The following MARCO variants were observed in gnomAD, a reference collection of about 807,000 sequenced individuals.
MARCO encodes the protein macrophage receptor MARCO.
MARCO carries 72 observed loss-of-function variants against 70.0 expected under a neutral mutation model. That is an observed-to-expected ratio of 1.03 (90% CI 0.85 to 1.25). The LOEUF is 1.25. Ranked by LOEUF, MARCO falls within the 50% of genes most tolerant of loss-of-function variation. The pLI is 0.00. For missense variants in MARCO, 696 were observed against 659.3 expected (o/e 1.06, Z -0.61); for synonymous variants, 273 against 243.1 (o/e 1.12, Z -1.14).
At chr2:118,959,292 GA>G (rs925350507) in intron 1 of MARCO, among the ~76,000 whole-genome samples, 4 of 151,280 alleles carry the variant, frequency 2.6e-5, no homozygotes, top group African/African-American at 7.3e-5. Flanking sequence ...AAATCAGTAA[GA>G]AAAAAAATTC....
At chr2:118,973,490 C>A (rs1219495966) in intron 4 of MARCO, among the ~76,000 whole-genome samples, 1 of 152,212 alleles carries the variant, frequency 6.6e-6, no homozygotes, top group Non-Finnish European at 1.5e-5. Context: ...GTCTCGGCTC[C>A]TCCTCGGACA....
At chr2:118,981,564 T>C (rs1680392041) in intron 9 of MARCO, 57 bp downstream of exon 9, 7 of 1,594,070 alleles carry the variant, frequency 4.4e-6, no homozygotes, top group Non-Finnish European at 4.3e-6. Context: ...TTTTTTTTTT[T>C]TCTGGCTGGC....
At position 118,994,493 on chromosome 2, in the gene MARCO, G is replaced by A. The variant is rs959684407; in HGVS notation, c.1536G>A (p.Glu512=). 4 of 1,609,768 alleles carry A rather than the reference G, an allele frequency of 2.5e-6. 1 individual carries two copies. Among genetic ancestry groups the A allele is most frequent in the Admixed American group, 3.4e-5 (2 of 59,620 alleles). The change falls in exon 17 of 17, where the codon GAG becomes GAA. Residue 512 remains glutamate (E), a synonymous_variant. Transcript: ENST00000327097. ...SWGHHDCSHE[E]DAGVECSV is the part of the protein sequence containing the mutation. ...GCCATCATGACTGCAGCCACGAGGA[G>A]GACGCAGGCGTGGAGTGCAGCGTCT...
chr2:118,952,441 T>C (rs35092791), intron 1 of MARCO: 26,138 of 152,194 alleles, frequency 0.17, 3,045 homozygotes, highest in African/African-American at 0.33. Context: ...GAGGTAGCTA[T>C]GGAACCGCAG....
chr2:118,986,693 GAA>G (rs1298561853), intron 12 of MARCO, among the ~76,000 whole-genome samples: 6 of 73,620 alleles, frequency 8.1e-5, no homozygotes, highest in Admixed American at 4.0e-4. Context: ...AAGAAAGAAA[GAA>G]AGAAAGAAAG....
intron 6 of MARCO, among the ~76,000 whole-genome samples, chr2:118,975,719 C>A (rs1367578224): frequency 6.6e-6 from 1 of 152,162 alleles, no homozygotes; most frequent in Non-Finnish European, 1.5e-5. Flanking sequence ...TGTAATCACA[C>A]TCATGCACAC....
chr2:118,977,495 C>T lies in MARCO; in HGVS notation c.638C>T (p.Pro213Leu), dbSNP rs1680306499. Residue 213 changes from proline to leucine, a missense_variant, in exon 7 of 17, where the codon CCA (proline) becomes CTA (leucine). Physicochemically the swap from Pro to Leu is moderately conservative, Grantham distance 98. This residue lies in a region of MARCO where 605 missense variants were observed against 537.6 expected (regional missense o/e 1.13). Coordinates refer to ENST00000327097, the MANE Select transcript of MARCO (RefSeq NM_006770.4). ...EAGLQGPQGA[P>L]GKQGATGTPG... ...GGCCTCCAAGGACCCCAGGGTGCTC[C>T]AGGGAAGCAAGGAGCCACTGGTAAC... 6.2e-7 allele frequency: 1 copy of T among 1,613,822 alleles called. No individual in the cohort carries two copies. The highest frequency in any genetic ancestry group is 8.5e-7 in the Non-Finnish European group (1 of 1,179,948).
chr2:118,971,640 C>T, intron 4 of MARCO, 106 bp downstream of exon 4: 1 of 1,102,888 alleles, frequency 9.1e-7, no homozygotes, highest in Admixed American at 2.1e-5. Context: ...CCCTAGCTTA[C>T]CTTCCCCTGT....
At chr2:118,977,384 C>A in intron 6 of MARCO, 87 bp from the exon 7 acceptor site, 1 of 1,113,978 alleles carries the variant, frequency 9.0e-7, no homozygotes, top group Non-Finnish European at 1.4e-6. Flanking sequence ...CCTTGCTCAA[C>A]TAAGGGAATC....
At chr2:118,961,765 T>G (rs1370667191) in intron 1 of MARCO, among the ~76,000 whole-genome samples, 1 of 152,264 alleles carries the variant, frequency 6.6e-6, no homozygotes, top group Non-Finnish European at 1.5e-5. Context: ...GCAGTTGCTT[T>G]TGGCAATTTC....
intron 12 of MARCO, among the ~76,000 whole-genome samples, chr2:118,986,758 GA>G (rs1488532301): frequency 6.7e-6 from 1 of 149,920 alleles, no homozygotes. Context: ...GAGAAAGAAA[GA>G]AGAAAGAAAG....
At chr2:118,974,623 C>A in intron 6 of MARCO, 58 bp downstream of exon 6, 2 of 1,535,690 alleles carry the variant, frequency 1.3e-6, no homozygotes, top group Non-Finnish European at 1.8e-6. Context: ...AGAGTGACTG[C>A]TGTGGGCTGC....
chr2:118,993,139 C>A lies in MARCO; in HGVS notation c.1268C>A (p.Ser423Tyr). The A allele has an allele frequency of 6.2e-7, 1 of 1,614,246 alleles. No individual in the cohort carries two copies. Among genetic ancestry groups the A allele is most frequent in the Non-Finnish European group, 8.5e-7 (1 of 1,180,038 alleles). ...EKGERGENSV[S>Y]VRIVGSSNRG... ...CTTCACCCAGGTGAAAACTCAGTGT[C>A]CGTCAGGATTGTCGGCAGTAGTAAC... is the stretch of plus-strand genomic sequence containing the variant. Residue 423 changes from serine to tyrosine, a missense_variant, in exon 16 of 17, where the codon TCC (serine) becomes TAC (tyrosine). Ser to Tyr is a moderately radical substitution (Grantham distance 144). Transcript: ENST00000327097.
chr2:118,951,693 A>G (rs1679725485), intron 1 of MARCO, among the ~76,000 whole-genome samples: 1 of 152,258 alleles, frequency 6.6e-6, no homozygotes, highest in Non-Finnish European at 1.5e-5. Context: ...TTATAGGGTC[A>G]TGAAGAAGAC....
At chr2:118,993,688 T>A (rs1680667834) in intron 16 of MARCO, among the ~76,000 whole-genome samples, 1 of 152,350 alleles carries the variant, frequency 6.6e-6, no homozygotes, top group African/African-American at 2.4e-5. Flanking sequence ...TCCAGCTGTC[T>A]GTGAACCAGC....
chr2:118,991,600 G>A (rs564409013), intron 13 of MARCO, among the ~76,000 whole-genome samples, 177 bp from the exon 14 acceptor site: 2 of 152,344 alleles, frequency 1.3e-5, no homozygotes, highest in Non-Finnish European at 2.9e-5. Context: ...TTACCTAAGA[G>A]TTGAGAGATC....
intron 1 of MARCO, among the ~76,000 whole-genome samples, chr2:118,950,962 G>T (rs2104550093): frequency 6.6e-6 from 1 of 152,220 alleles, no homozygotes; most frequent in South Asian, 2.1e-4. Flanking sequence ...TTGTAAGTTT[G>T]GGATTTCAAT....
At chr2:118,947,367 C>G (rs936752195) in intron 1 of MARCO, among the ~76,000 whole-genome samples, 1 of 152,130 alleles carries the variant, frequency 6.6e-6, no homozygotes, top group African/African-American at 2.4e-5. Flanking sequence ...TGGCTATTCA[C>G]AGGTGTGATC....
At chr2:118,942,428 A>G in intron 1 of MARCO, 31 bp downstream of exon 1, 1 of 1,508,348 alleles carries the variant, frequency 6.6e-7, no homozygotes, top group East Asian at 2.3e-5. Context: ...AATGGAAATG[A>G]CCAGAAATGT....
Sources: gnomAD v4.1 joint callset for allele counts (sites outside exome capture counted in the v4.1 genomes callset) on GRCh38, gnomAD v4.1.1 for gene constraint, gnomAD v4.1.1 regional missense constraint, MANE v1.5 for transcripts, NCBI Gene and HGNC (gene_info 2026-07-23, HGNC 2026-07-21) for gene names.